The following WDFY4 variants were observed in gnomAD, a reference collection of about 807,000 sequenced individuals.
The protein encoded by WDFY4 is WD repeat- and FYVE domain-containing protein 4.
WDFY4 carries 169 observed loss-of-function variants against 351.9 expected under a neutral mutation model. That is an observed-to-expected ratio of 0.48 (90% CI 0.42 to 0.55). WDFY4 has a LOEUF of 0.55. Ranked by LOEUF, WDFY4 falls within the 20% of genes least tolerant of loss-of-function variation. The pLI, the probability that WDFY4 is intolerant of heterozygous loss-of-function variation, is 0.00. For synonymous variants in WDFY4, 1,622 were observed against 1,574.6 expected (o/e 1.03, Z -0.71); for missense variants, 3,803 against 3,935.6 (o/e 0.97, Z 0.90).
At chr10:48,775,645 G>C in intron 14 of WDFY4, 67 bp from the exon 15 acceptor site, 3 of 1,442,950 alleles carry the variant, frequency 2.1e-6, no homozygotes, top group Non-Finnish European at 2.9e-6. Flanking sequence ...CAGTTGTCAG[G>C]ATAAAGTTGG....
At position 48,914,130 on chromosome 10, in the gene WDFY4, T is replaced by C. The variant is rs755944332; in HGVS notation, c.7586+12267T>C. On this transcript the variant is annotated intron_variant, in intron 47 of 61. Coordinates refer to ENST00000325239, the MANE Select transcript of WDFY4 (RefSeq NM_001394531.1). ...CACCTTGAGGGTGATCTTCTTGCCCTTGGGGCCTTTCTCACCCTTAACCAT... is the reference window on the plus strand; with the variant it reads ...CACCTTGAGGGTGATCTTCTTGCCCCTGGGGCCTTTCTCACCCTTAACCAT... 3 of 1,613,944 alleles carry C rather than the reference T, an allele frequency of 1.9e-6. No individual in the cohort carries two copies. In the African/African-American group the frequency reaches 4.0e-5, roughly 22 times the overall value.
At chr10:48,738,945 A>G (rs1332467728) in intron 11 of WDFY4, among the ~76,000 whole-genome samples, 1 of 152,216 alleles carries the variant, frequency 6.6e-6, no homozygotes, top group African/African-American at 2.4e-5. Context: ...TTCAAACACC[A>G]GTGGCACTTC....
intron 31 of WDFY4, among the ~76,000 whole-genome samples, chr10:48,815,857 A>G (rs1347281748): frequency 1.3e-5 from 2 of 151,788 alleles, no homozygotes; most frequent in Non-Finnish European, 2.9e-5. Context: ...TTATGATTTC[A>G]TGCATCCTAT....
intron 1 of WDFY4, among the ~76,000 whole-genome samples, chr10:48,686,677 T>C (rs1409643859): frequency 1.3e-5 from 2 of 152,274 alleles, no homozygotes; most frequent in Non-Finnish European, 2.9e-5. Flanking sequence ...TATTGTTGCA[T>C]GTACCTGTAG....
In WDFY4 at chr10:48,733,962, T is replaced by C. The variant is rs927344267; in HGVS notation, c.1614T>C (p.Asp538=). 1.9e-6 allele frequency: 3 copies of C among 1,551,654 alleles called. No homozygotes were observed. The African/African-American group carries it at 4.1e-5, about 21-fold the overall frequency. ...GNKVSTPGVQ[D]PERELTCVML... is the part of the protein sequence containing the mutation. ...AAGTGTCCACTCCTGGTGTTCAGGA[T>C]CCAGAAAGAGAACTCACCTGTGTGA... The change falls in exon 10 of 62, where the codon GAT becomes GAC. Residue 538 remains aspartate, a synonymous_variant. Transcript: ENST00000325239.
Position 48,731,494 on chromosome 10 carries a change from G to T in WDFY4, c.1514G>T (p.Arg505Leu). 2 of 1,551,566 alleles carry T rather than the reference G, an allele frequency of 1.3e-6. No homozygotes were observed. Among genetic ancestry groups the T allele is most frequent in the Non-Finnish European group, 1.7e-6 (2 of 1,146,984 alleles). The part of the protein sequence containing the change: ...GGDPLFTDIF[R>L]DSGLLGLLLA... ...GACCCCCTCTTCACCGACATCTTCC[G>T]GGACTCAGGGCTCCTGGGCCTGCTA... Residue 505 changes from arginine to leucine, a missense_variant, in exon 9 of 62, where the codon CGG (arginine) becomes CTG (leucine). Transcript: ENST00000325239.
intron 43 of WDFY4, among the ~76,000 whole-genome samples, chr10:48,880,726 T>C (rs1472997354): frequency 6.6e-6 from 1 of 152,254 alleles, no homozygotes; most frequent in African/African-American, 2.4e-5. Context: ...GCATCCGTCC[T>C]TGCCTGAGAT....
At chr10:48,910,271 A>C in intron 47 of WDFY4, 1 of 1,609,476 alleles carries the variant, frequency 6.2e-7, no homozygotes, top group Non-Finnish European at 8.5e-7. Flanking sequence ...GGGGATGGAG[A>C]CACAAGAAGG....
At chr10:48,780,878 A>G (rs1220964406) in intron 19 of WDFY4, among the ~76,000 whole-genome samples, 1 of 152,246 alleles carries the variant, frequency 6.6e-6, no homozygotes, top group African/African-American at 2.4e-5. Context: ...GAATAATTAC[A>G]TCAGAATCTC....
intron 24 of WDFY4, among the ~76,000 whole-genome samples, chr10:48,800,730 CTTTT>C (rs57288777): frequency 1.3e-4 from 12 of 92,806 alleles, no homozygotes; most frequent in South Asian, 3.5e-4. Context: ...TTCATTCTTT[CTTTT>C]TTTTTTTTTT....
intron 6 of WDFY4, among the ~76,000 whole-genome samples, chr10:48,726,476 G>C (rs1832576584): frequency 1.3e-5 from 2 of 152,212 alleles, no homozygotes; most frequent in African/African-American, 4.8e-5. Context: ...TATTCACCTA[G>C]TTAGGAAGAG....
At chr10:48,721,526 C>T (rs796077950) in intron 4 of WDFY4, among the ~76,000 whole-genome samples, 159 bp downstream of exon 4, 6 of 152,190 alleles carry the variant, frequency 3.9e-5, no homozygotes, top group African/African-American at 1.4e-4. Flanking sequence ...AGAACATGGA[C>T]TTCAGAGTCT....
In WDFY4 at chr10:48,723,463, C is replaced by A; in HGVS notation, c.487C>A (p.Leu163Ile). 1 of 1,550,546 alleles carries A rather than the reference C, an allele frequency of 6.4e-7. No individual in the cohort carries two copies. Among genetic ancestry groups the A allele is most frequent in the South Asian group, 1.2e-5 (1 of 84,006 alleles). Residue 163 changes from leucine to isoleucine, a missense_variant, in exon 5 of 62, where the codon CTT becomes ATT. Transcript: ENST00000325239. ...ETLGRVAESG[L>I]PALLLQCLYL... ...GCTGGGCAGGGTTGCTGAGTCTGGG[C>A]TTCCAGCCCTGCTCCTACAGTGCCT...
intron 31 of WDFY4, among the ~76,000 whole-genome samples, chr10:48,816,074 C>G (rs1197915474): frequency 6.6e-6 from 1 of 152,102 alleles, no homozygotes; most frequent in Non-Finnish European, 1.5e-5. Context: ...CTTGTTTAGG[C>G]TTTTAAATGT....
At chr10:48,806,794 G>T (rs542121856) in intron 27 of WDFY4, among the ~76,000 whole-genome samples, 1 of 152,252 alleles carries the variant, frequency 6.6e-6, no homozygotes, top group Non-Finnish European at 1.5e-5. Flanking sequence ...GCCACATATA[G>T]CCATTTAAAT....
chr10:48,913,787 G>C, intron 47 of WDFY4: 1 of 1,614,104 alleles, frequency 6.2e-7, no homozygotes, highest in Non-Finnish European at 8.5e-7. Flanking sequence ...TCACAGCGCG[G>C]ATGTTCTTGA....
rs746650603 is a variant in WDFY4, at chr10:48,867,276, A to G, written c.6675A>G (p.Ser2225=). Residue 2225 remains serine (S), a synonymous_variant, in exon 40 of 62, where the codon TCA becomes TCG. Transcript: ENST00000325239. ...DPECKTEDFV[S]CIENYRRRGQ... ...TCTCCTTTCTCCAGGATTTTGTGTC[A>G]TGTATAGAGAACTACAGAAGAAGAG... 2 of 1,444,042 alleles carry G rather than the reference A, an allele frequency of 1.4e-6. No individual in the cohort carries two copies. Among genetic ancestry groups the G allele is most frequent in the Non-Finnish European group, 9.2e-7 (1 of 1,092,542 alleles). The allele number at this position is 1,444,042 out of a possible 1,614,324, so 89.5% of individuals were successfully genotyped here.
chr10:48,807,779 G>C, intron 27 of WDFY4, 80 bp from the exon 28 acceptor site: 1 of 1,464,462 alleles, frequency 6.8e-7, no homozygotes, highest in South Asian at 1.2e-5. Flanking sequence ...ATAAGCATTT[G>C]GTGAATATGA....
intron 47 of WDFY4, among the ~76,000 whole-genome samples, chr10:48,930,886 T>C (rs113674069): frequency 6.6e-6 from 1 of 152,182 alleles, no homozygotes; most frequent in Non-Finnish European, 1.5e-5. Flanking sequence ...CTGTGTTCTC[T>C]GGCACACATG....
Sources: gnomAD v4.1 joint callset for allele counts (sites outside exome capture counted in the v4.1 genomes callset) on GRCh38, gnomAD v4.1.1 for gene constraint, MANE v1.5 for transcripts, NCBI Gene and HGNC (gene_info 2026-07-23, HGNC 2026-07-21) for gene names.